GULP1: variants seen among roughly 807,000 people sequenced by gnomAD.
The protein encoded by GULP1 is GULP PTB domain containing engulfment adaptor 1.
Under a neutral mutation model 40.9 loss-of-function variants are expected in GULP1, and 19 were observed. The observed-to-expected ratio is 0.46, with a 90% CI of 0.32 to 0.68. The LOEUF (loss-of-function observed/expected upper bound fraction) is 0.68. GULP1 is among the 30% of genes least tolerant of loss of function. The pLI is 0.03. For synonymous variants in GULP1, 119 were observed against 117.6 expected, an observed-to-expected ratio of 1.01 and a Z score of -0.08; for missense variants, 312 against 362.2, an observed-to-expected ratio of 0.86 and a Z score of 1.12.
chr2:188,320,935 A>T (rs574686313), intron 1 of GULP1, among the ~76,000 whole-genome samples: 90 of 151,742 alleles, frequency 5.9e-4, no homozygotes, highest in Admixed American at 3.7e-3. Flanking sequence ...AACACCTACA[A>T]AAGGAAAAGA....
intron 1 of GULP1, among the ~76,000 whole-genome samples, chr2:188,322,101 T>G (rs2106616874): frequency 6.6e-6 from 1 of 152,278 alleles, no homozygotes; most frequent in Admixed American, 6.5e-5. Flanking sequence ...GTATCACCAC[T>G]GAGTTGATGG....
intron 2 of GULP1, among the ~76,000 whole-genome samples, chr2:188,445,091 T>C (rs1415643824): frequency 6.6e-6 from 1 of 152,288 alleles, no homozygotes; most frequent in East Asian, 1.9e-4. Context: ...GACTGAATTT[T>C]CAGTATCTCC....
chr2:188,308,266 G>T (rs1038736923), intron 1 of GULP1, among the ~76,000 whole-genome samples: 4 of 152,074 alleles, frequency 2.6e-5, no homozygotes, highest in Non-Finnish European at 5.9e-5. Flanking sequence ...TGTTTTTTAG[G>T]TTTGGTATTT....
intron 1 of GULP1, among the ~76,000 whole-genome samples, chr2:188,357,580 C>T (rs755561297): frequency 6.6e-6 from 1 of 151,964 alleles, no homozygotes; most frequent in Non-Finnish European, 1.5e-5. Context: ...GGAATGAGTA[C>T]TTTTATAATC....
At chr2:188,560,270 G>T (rs1695897787) in intron 7 of GULP1, among the ~76,000 whole-genome samples, 1 of 152,138 alleles carries the variant, frequency 6.6e-6, no homozygotes, top group Admixed American at 6.5e-5. Context: ...TCATTCTCAA[G>T]TTCAAAGTTC....
In GULP1 at chr2:188,292,084, G is replaced by A. The variant is rs1302507810; in HGVS notation, c.-254G>A. 1.3e-5 allele frequency: 2 copies of A among 152,386 alleles called. No homozygotes were observed. Among genetic ancestry groups the A allele is most frequent in the Non-Finnish European group, 2.9e-5 (2 of 68,174 alleles). The allele number at this position is 152,386 out of a possible 1,614,324, so 9.4% of individuals were successfully genotyped here. ...CGGAGACGGCGCCCCGGCCGTGCCG[G>A]AGTGGAGATCGCCAGGCTCGGAGGA... is the stretch of plus-strand genomic sequence containing the variant. On this transcript the variant is annotated 5_prime_UTR_variant, in exon 1 of 12. Coordinates refer to ENST00000409830, the MANE Select transcript of GULP1 (RefSeq NM_016315.4). The surrounding 1 kb of genome is among the most constrained non-coding windows in gnomAD (Gnocchi z 4.0).
intron 1 of GULP1, among the ~76,000 whole-genome samples, chr2:188,380,808 T>C (rs2152494254): frequency 6.6e-6 from 1 of 152,294 alleles, no homozygotes; most frequent in Middle Eastern, 3.4e-3. Context: ...CTTCTCTGTT[T>C]TGCTTGGTTT....
At chr2:188,584,722 CTG>C (rs1489823465) in intron 10 of GULP1, among the ~76,000 whole-genome samples, 2 of 151,610 alleles carry the variant, frequency 1.3e-5, no homozygotes, top group Non-Finnish European at 2.9e-5. Flanking sequence ...TTAAAAATAA[CTG>C]GTGGTAATTA....
At chr2:188,380,973 G>A (rs1006219854) in intron 1 of GULP1, among the ~76,000 whole-genome samples, 2 of 152,034 alleles carry the variant, frequency 1.3e-5, no homozygotes, top group African/African-American at 2.4e-5. Context: ...TTTCATATAC[G>A]TCTTCAAATT....
At chr2:188,477,851 A>C in intron 3 of GULP1, 121 bp downstream of exon 3, 1 of 701,374 alleles carries the variant, frequency 1.4e-6, no homozygotes, top group Non-Finnish European at 2.4e-6. Context: ...ATGAAGTTAG[A>C]TTAGAGCAAC....
At position 188,535,016 on chromosome 2, in the gene GULP1, A is replaced by G. The variant is rs770484809; in HGVS notation, c.261+5821A>G. On this transcript the variant is annotated intron_variant, in intron 6 of 11. Coordinates refer to ENST00000409830, the MANE Select transcript of GULP1 (RefSeq NM_016315.4). ...TTAAGACTTTAATATTTAATAATAA[A>G]TTGTTATTAATAATTAATATTCAAT... is the stretch of plus-strand genomic sequence containing the variant. Among the ~76,000 whole-genome samples the G allele has an allele frequency of 5.8e-3, 882 of 151,206 alleles. 25 individuals are homozygous for G. The highest frequency in any genetic ancestry group is 1.4e-3 in the East Asian group (7 of 5,168).
chr2:188,354,235 G>C (rs2044934308), intron 1 of GULP1, among the ~76,000 whole-genome samples: 1 of 152,108 alleles, frequency 6.6e-6, no homozygotes, highest in East Asian at 1.9e-4. Context: ...CCACTGCATG[G>C]TGCCTTATCC....
At chr2:188,522,710 TATATG>T (rs1259095660) in intron 4 of GULP1, 41 bp from the exon 5 acceptor site, 2 of 1,134,560 alleles carry the variant, frequency 1.8e-6, no homozygotes, top group Non-Finnish European at 1.3e-6. Context: ...GATGCAATGA[TATATG>T]ATATGGTAAA....
intron 2 of GULP1, among the ~76,000 whole-genome samples, chr2:188,411,001 C>T (rs930202031): frequency 6.6e-6 from 1 of 152,066 alleles, no homozygotes; most frequent in Non-Finnish European, 1.5e-5. Flanking sequence ...TTTTGATTAC[C>T]CTTGGGTGCA....
intron 1 of GULP1, among the ~76,000 whole-genome samples, chr2:188,348,106 A>C (rs748165745): frequency 2.6e-5 from 4 of 152,258 alleles, no homozygotes; most frequent in Non-Finnish European, 5.9e-5. Context: ...TGAGAAACTC[A>C]TGAATTTATA....
chr2:188,483,524 T>A (rs1575533609), intron 4 of GULP1, 32 bp downstream of exon 4: 1 of 955,592 alleles, frequency 1.0e-6, no homozygotes, highest in East Asian at 2.7e-5. Context: ...TTTAATTTTA[T>A]TTTGTTATAG....
intron 1 of GULP1, among the ~76,000 whole-genome samples, chr2:188,382,610 C>T (rs76314240): frequency 0.02 from 2,976 of 152,236 alleles, 92 homozygotes; most frequent in African/African-American, 0.067. Context: ...AAGCTGGGCG[C>T]GGTAGCTCAC....
At chr2:188,373,476 A>T (rs1330539452) in intron 1 of GULP1, among the ~76,000 whole-genome samples, 1 of 151,986 alleles carries the variant, frequency 6.6e-6, no homozygotes, top group African/African-American at 2.4e-5. Context: ...ATATATCTTA[A>T]GTTTCTTATA....
intron 10 of GULP1, among the ~76,000 whole-genome samples, chr2:188,587,059 A>G (rs1702536815): frequency 1.3e-5 from 2 of 151,956 alleles, no homozygotes; most frequent in African/African-American, 2.4e-5. Context: ...TGTTTTTCCA[A>G]TTAAGGATAC....
Sources: gnomAD v4.1 joint callset for allele counts (sites outside exome capture counted in the v4.1 genomes callset) on GRCh38, gnomAD v4.1.1 for gene constraint, Gnocchi (gnomAD v3.1) non-coding constraint, MANE v1.5 for transcripts, NCBI Gene and HGNC (gene_info 2026-07-23, HGNC 2026-07-21) for gene names.